Variants in ELF1 observed in about 807,000 individuals in gnomAD.
The protein encoded by ELF1 is ETS-related transcription factor Elf-1.
A neutral mutation model predicts 59.9 loss-of-function variants in ELF1; 24 were observed. The ratio of observed to expected loss-of-function variants is 0.40; its 90% CI spans 0.29 to 0.56. ELF1 has a LOEUF of 0.56. ELF1 is among the 20% of genes least tolerant of loss of function. ELF1 has a pLI of 0.44. For synonymous variants in ELF1, 248 were observed against 266.2 expected (o/e 0.93, Z 0.67); for missense variants, 627 against 742.2 (o/e 0.84, Z 1.80).
At chr13:41,020,361 A>G (rs1440047303), upstream of ELF1, among the ~76,000 whole-genome samples, 1 of 152,254 alleles carries the variant, frequency 6.6e-6, no homozygotes, top group African/African-American at 2.4e-5. Context: ...ATGCAACTCA[A>G]TAGATAGCCT....
chr13:40,982,144 A>C lies in ELF1; in HGVS notation c.-90T>G. ...AAATCCAGTGACTGATTTGGGTAAA[A>C]AACCCTCAGCTCTGTCTGTGGAGTA... On this transcript the variant is annotated 5_prime_UTR_variant, in exon 2 of 9. Transcript: ENST00000239882. 1.9e-6 allele frequency: 3 copies of C among 1,549,038 alleles called. No individual in the cohort carries two copies. Among genetic ancestry groups the C allele is most frequent in the Non-Finnish European group, 2.6e-6 (3 of 1,149,340 alleles).
intron 1 of ELF1, among the ~76,000 whole-genome samples, chr13:41,047,923 C>T (rs1023112526): frequency 2.0e-5 from 3 of 152,244 alleles, no homozygotes; most frequent in African/African-American, 7.2e-5. Flanking sequence ...CAATGGGCTC[C>T]ACCCAGTTCG....
intron 1 of ELF1, among the ~76,000 whole-genome samples, chr13:41,007,159 C>G (rs2138351920): frequency 6.6e-6 from 1 of 152,170 alleles, no homozygotes; most frequent in South Asian, 2.1e-4. Context: ...AAGTGTTCCT[C>G]CCTGCTGCAG....
chr13:40,994,689 C>T (rs531662644), intron 1 of ELF1, among the ~76,000 whole-genome samples: 2 of 152,294 alleles, frequency 1.3e-5, no homozygotes, highest in African/African-American at 4.8e-5. Flanking sequence ...TTATGAGATA[C>T]TGTTTTAATT....
At chr13:40,992,489 A>G (rs889667576) in intron 1 of ELF1, among the ~76,000 whole-genome samples, 7 of 152,244 alleles carry the variant, frequency 4.6e-5, no homozygotes, top group Admixed American at 3.3e-4. Context: ...GTATAAGTCA[A>G]CAGTTTTAAA....
intron 1 of ELF1, among the ~76,000 whole-genome samples, chr13:41,046,364 A>G (rs922484198): frequency 3.3e-5 from 5 of 152,192 alleles, no homozygotes; most frequent in Non-Finnish European, 7.3e-5. Flanking sequence ...TAGTTGATGC[A>G]GTTTCTTCCT....
chr13:40,976,727 A>C (rs1458190733), intron 2 of ELF1, among the ~76,000 whole-genome samples: 1 of 151,990 alleles, frequency 6.6e-6, no homozygotes, highest in African/African-American at 2.4e-5. Context: ...TTTAGTAGAG[A>C]TGGGGTTTCT....
rs1869527432 is a variant in ELF1, at chr13:40,933,234, T to C, written c.*191A>G. 1.0e-5 allele frequency: 7 copies of C among 696,206 alleles called. No individual in the cohort carries two copies. Among genetic ancestry groups the C allele is most frequent in the African/African-American group, 1.8e-5 (1 of 55,332 alleles). 43.1% of individuals were successfully genotyped at this position (696,206 alleles called of 1,614,324 possible). On this transcript the variant is annotated 3_prime_UTR_variant, in exon 9 of 9. Transcript: ENST00000239882. ...AATGCCTGTTCCTTCACGATTGAATTCTGAAACATTTAGATAACAAAGAGA... is the reference window on the plus strand; with the variant it reads ...AATGCCTGTTCCTTCACGATTGAATCCTGAAACATTTAGATAACAAAGAGA...
At chr13:41,053,145 A>G (rs1309336197) in intron 1 of ELF1, among the ~76,000 whole-genome samples, 1 of 152,080 alleles carries the variant, frequency 6.6e-6, no homozygotes, top group East Asian at 1.9e-4. Context: ...CTTGAGGTCA[A>G]GAGTTCCAGA....
At chr13:40,973,642 C>CTT (rs59812708) in intron 2 of ELF1, among the ~76,000 whole-genome samples, 24 of 142,276 alleles carry the variant, frequency 1.7e-4, no homozygotes, top group African/African-American at 3.1e-4. Context: ...TGCTAATTTC[C>CTT]TTTTTTTTTT....
chr13:41,023,117 TGA>T (rs1334652571), upstream of ELF1, among the ~76,000 whole-genome samples: 1 of 152,220 alleles, frequency 6.6e-6, no homozygotes. Context: ...AACTATTAGC[TGA>T]GAGAGATTGA....
chr13:41,038,455 T>C (rs1223310677), intron 1 of ELF1, among the ~76,000 whole-genome samples: 1 of 152,126 alleles, frequency 6.6e-6, no homozygotes, highest in East Asian at 1.9e-4. Context: ...AGATCGAGGT[T>C]GCAATGAGCT....
At chr13:40,970,365 TA>T (rs147730255) in intron 2 of ELF1, among the ~76,000 whole-genome samples, 11,001 of 152,276 alleles carry the variant, frequency 0.072, 577 homozygotes, top group Middle Eastern at 0.12. Context: ...TGAAAGATTC[TA>T]ATACAGGTCT....
At chr13:41,000,381 C>T (rs1380091046) in intron 1 of ELF1, among the ~76,000 whole-genome samples, 1 of 151,186 alleles carries the variant, frequency 6.6e-6, no homozygotes, top group East Asian at 1.9e-4. Context: ...GCCACCACAC[C>T]GGGCTAATTT....
In ELF1 at chr13:41,008,015, C is replaced by A. The variant is rs540410925; in HGVS notation, c.-229+11213G>T. ...CAAGCCATGAGTCTACTCCTTACCA[C>A]TGGGCACTCACATTTTAAAAAGGCG... On this transcript the variant is annotated intron_variant, in intron 1 of 8. Transcript: ENST00000239882. 9.7e-4 allele frequency among the ~76,000 whole-genome samples: 147 copies of A among 152,308 alleles called. 3 individuals carry two copies. Among genetic ancestry groups the A allele is most frequent in the Admixed American group, 4.6e-4 (7 of 15,282 alleles).
intron 1 of ELF1, among the ~76,000 whole-genome samples, chr13:40,986,360 G>A (rs1873548373): frequency 1.3e-5 from 2 of 152,192 alleles, no homozygotes; most frequent in South Asian, 2.1e-4. Flanking sequence ...CTGTTGTGTA[G>A]ATGCAAAAAT....
upstream of ELF1, among the ~76,000 whole-genome samples, chr13:41,020,593 T>A (rs900048425): frequency 1.3e-5 from 2 of 152,330 alleles, no homozygotes; most frequent in East Asian, 1.9e-4. Flanking sequence ...TGGTTTATCC[T>A]TTTACTGAAA....
intron 2 of ELF1, among the ~76,000 whole-genome samples, chr13:40,977,764 T>C (rs1023597957): frequency 9.2e-5 from 14 of 152,186 alleles, no homozygotes; most frequent in African/African-American, 2.9e-4. Flanking sequence ...CTATTCCAAT[T>C]TGGGGGGAGG....
In ELF1 at chr13:40,940,456, G is replaced by T. The variant is rs141387351; in HGVS notation, c.1256+465C>A. Among the ~76,000 whole-genome samples, 1,078 of 147,068 alleles carry T rather than the reference G, an allele frequency of 7.3e-3. 5 individuals are homozygous for T. Among genetic ancestry groups the T allele is most frequent in the Non-Finnish European group, 0.011 (747 of 67,538 alleles). On this transcript the variant is annotated intron_variant, in intron 8 of 8. Transcript: ENST00000239882. ...TTCAACTTCTGCCACTCTAAAAGAG[G>T]ACCTTAGATTCTTGGCCTCCCTTCC...
Sources: gnomAD v4.1 joint callset for allele counts (sites outside exome capture counted in the v4.1 genomes callset) on GRCh38, gnomAD v4.1.1 for gene constraint, MANE v1.5 for transcripts, NCBI Gene and HGNC (gene_info 2026-07-23, HGNC 2026-07-21) for gene names.